The following EXOC6 variants were observed in gnomAD, a reference collection of about 807,000 sequenced individuals.
The protein encoded by EXOC6 is SEC15-like 1.
Under a neutral mutation model 112.5 loss-of-function variants are expected in EXOC6, and 60 were observed. The ratio of observed to expected loss-of-function variants is 0.53; its 90% CI spans 0.43 to 0.66. EXOC6 has a LOEUF of 0.66. EXOC6 is among the 30% of genes least tolerant of loss of function. The probability of loss-of-function intolerance (pLI) is 0.00; values close to 1 mark genes in which losing one functional copy is unlikely to be tolerated. For missense variants in EXOC6, 855 were observed against 957.1 expected (o/e 0.89, Z 1.41); for synonymous variants, 295 against 308.0 (o/e 0.96, Z 0.44).
intron 1 of EXOC6, among the ~76,000 whole-genome samples, chr10:92,859,821 ATG>A (rs10617958): frequency 0.012 from 1,724 of 141,612 alleles, 16 homozygotes; most frequent in Middle Eastern, 0.028. Context: ...GTTTGTGTGC[ATG>A]TGTGTGTGTG....
At chr10:92,982,992 T>A (rs1362963776) in intron 18 of EXOC6, among the ~76,000 whole-genome samples, 2 of 152,370 alleles carry the variant, frequency 1.3e-5, no homozygotes, top group East Asian at 3.9e-4. Flanking sequence ...GATACATTAT[T>A]TGGATAGAAA....
chr10:92,841,065 A>T (rs1294284885), intron 1 of EXOC6, among the ~76,000 whole-genome samples: 1 of 152,226 alleles, frequency 6.6e-6, no homozygotes, highest in East Asian at 1.9e-4. Flanking sequence ...TGGTGAGAAC[A>T]CTTAAAATCT....
At chr10:92,967,638 T>C (rs1163645038) in intron 17 of EXOC6, among the ~76,000 whole-genome samples, 1 of 152,170 alleles carries the variant, frequency 6.6e-6, no homozygotes, top group Non-Finnish European at 1.5e-5. Context: ...TTTAAAAGCT[T>C]GTTATGCATC....
chr10:92,848,433 G>GGC, upstream of EXOC6: 8 of 855,804 alleles, frequency 9.3e-6, no homozygotes, highest in Non-Finnish European at 1.1e-5. Context: ...CGGCCCGAGC[G>GGC]CCCCGCCCCC....
chr10:92,919,046 G>A (rs1554894243), intron 7 of EXOC6, among the ~76,000 whole-genome samples: 1 of 151,838 alleles, frequency 6.6e-6, no homozygotes, highest in African/African-American at 2.4e-5. Context: ...CTGCTTTTTT[G>A]TTCTTTCTAA....
At chr10:92,892,847 G>T (rs1288813077) in intron 1 of EXOC6, among the ~76,000 whole-genome samples, 2 of 152,168 alleles carry the variant, frequency 1.3e-5, no homozygotes, top group Non-Finnish European at 2.9e-5. Flanking sequence ...GCTATCACTT[G>T]TGCTGGTTGT....
chr10:92,845,056 AC>A (rs1846997901), upstream of EXOC6, among the ~76,000 whole-genome samples: 1 of 152,216 alleles, frequency 6.6e-6, no homozygotes, highest in African/African-American at 2.4e-5. Flanking sequence ...TTTGCCAATT[AC>A]TTTTATACTG....
intron 5 of EXOC6, among the ~76,000 whole-genome samples, chr10:92,905,673 AG>A (rs1262505570): frequency 1.3e-5 from 2 of 151,928 alleles, no homozygotes; most frequent in African/African-American, 4.8e-5. Flanking sequence ...ATGGGGGAAA[AG>A]CATCTTGTTT....
At chr10:92,942,499 G>A (rs1007568218) in intron 13 of EXOC6, among the ~76,000 whole-genome samples, 1 of 152,070 alleles carries the variant, frequency 6.6e-6, no homozygotes, top group Non-Finnish European at 1.5e-5. Flanking sequence ...CATTCTTCAG[G>A]AGTGATATTA....
intron 4 of EXOC6, among the ~76,000 whole-genome samples, chr10:92,898,612 CCCA>C (rs1849967211): frequency 3.3e-5 from 5 of 152,058 alleles, no homozygotes; most frequent in Admixed American, 2.0e-4. Context: ...CAGGCTCTCT[CCCA>C]GTTTATGTGT....
At chr10:92,891,608 A>G (rs187870341) in intron 1 of EXOC6, among the ~76,000 whole-genome samples, 460 of 152,170 alleles carry the variant, frequency 3.0e-3, no homozygotes, top group African/African-American at 0.01. Context: ...CAGCCTCCTG[A>G]GTAGCTGAGA....
chr10:92,932,850 A>G lies in EXOC6; in HGVS notation c.973-1294A>G, dbSNP rs564779037. Among the ~76,000 whole-genome samples the G allele has an allele frequency of 1.4e-3, 220 of 152,302 alleles. 5 individuals are homozygous for G. The South Asian group carries it at 0.044, about 30-fold the overall frequency. On this transcript the variant is annotated intron_variant, in intron 9 of 21. Transcript: ENST00000260762. ...TAGAATTTTAATTTGTGCAGCAGCAATAAGAAAAAATAAGATAGAATTAAA... is the reference window on the plus strand; with the variant it reads ...TAGAATTTTAATTTGTGCAGCAGCAGTAAGAAAAAATAAGATAGAATTAAA...
intron 18 of EXOC6, among the ~76,000 whole-genome samples, chr10:92,979,412 A>G (rs974926675): frequency 2.6e-5 from 4 of 152,156 alleles, no homozygotes; most frequent in Non-Finnish European, 4.4e-5. Flanking sequence ...TGTTCCAGAA[A>G]AGTTATGATC....
intron 1 of EXOC6, among the ~76,000 whole-genome samples, chr10:92,828,816 G>A (rs1320080004): frequency 1.3e-5 from 2 of 151,348 alleles, no homozygotes; most frequent in African/African-American, 4.9e-5. Context: ...CGCCAAGACT[G>A]AGCAGGATTA....
At chr10:92,926,829 G>A (rs1195936417) in intron 8 of EXOC6, among the ~76,000 whole-genome samples, 5 of 152,038 alleles carry the variant, frequency 3.3e-5, no homozygotes, top group East Asian at 1.9e-4. Context: ...TACTGTGCCC[G>A]GCCCCATATT....
At chr10:92,911,508 A>C (rs1363056342) in intron 6 of EXOC6, among the ~76,000 whole-genome samples, 1 of 152,208 alleles carries the variant, frequency 6.6e-6, no homozygotes, top group Non-Finnish European at 1.5e-5. Flanking sequence ...TATTAAACTT[A>C]TCTTCTTTGA....
At chr10:92,842,717 T>TG (rs908864735) in intron 1 of EXOC6, among the ~76,000 whole-genome samples, 8 of 150,312 alleles carry the variant, frequency 5.3e-5, no homozygotes, top group Admixed American at 1.3e-4. Flanking sequence ...GTTGGTGGGG[T>TG]GGGGGGTGTG....
chr10:92,961,539 T>C (rs1374983746), intron 17 of EXOC6, among the ~76,000 whole-genome samples: 1 of 152,128 alleles, frequency 6.6e-6, no homozygotes, highest in Non-Finnish European at 1.5e-5. Context: ...GTAGGTCCCT[T>C]CGTAAATAGA....
chr10:93,012,942 G>A (rs1844325414), intron 19 of EXOC6, among the ~76,000 whole-genome samples: 1 of 152,000 alleles, frequency 6.6e-6, no homozygotes, highest in Admixed American at 6.6e-5. Context: ...CAGCTACTTG[G>A]GAGGCTGATT....
Sources: allele counts gnomAD v4.1 joint callset (sites outside exome capture counted in the v4.1 genomes callset), GRCh38; gene constraint gnomAD v4.1.1; transcripts MANE v1.5; gene names NCBI Gene and HGNC (gene_info 2026-07-23, HGNC 2026-07-21).